Variants in SVEP1 observed in about 807,000 individuals in gnomAD.
The protein encoded by SVEP1 is sushi, von Willebrand factor type A, EGF and pentraxin domain-containing protein 1.
A neutral mutation model predicts 367.3 loss-of-function variants in SVEP1; 164 were observed. The observed-to-expected ratio is 0.45, with a 90% CI of 0.39 to 0.51. The LOEUF (loss-of-function observed/expected upper bound fraction) is 0.51, where lower values mean the gene tolerates loss of function less well. Ranked by LOEUF, SVEP1 falls within the 20% of genes least tolerant of loss-of-function variation. SVEP1 has a pLI of 0.00. For synonymous variants in SVEP1, 1,666 were observed against 1,611.6 expected (o/e 1.03, Z -0.81); for missense variants, 4,117 against 4,425.3 (o/e 0.93, Z 1.98).
intron 40 of SVEP1, among the ~76,000 whole-genome samples, chr9:110,400,134 A>T (rs77448268): frequency 1.3e-5 from 2 of 152,136 alleles, no homozygotes; most frequent in Non-Finnish European, 2.9e-5. Flanking sequence ...TGGCATCTCA[A>T]TGCCAAGGTA....
intron 4 of SVEP1, among the ~76,000 whole-genome samples, 177 bp from the exon 5 acceptor site, chr9:110,513,282 C>T (rs13300595): frequency 0.034 from 5,105 of 152,050 alleles, 119 homozygotes; most frequent in Non-Finnish European, 0.049. Flanking sequence ...TTATATCTGA[C>T]TCCTATTAGG....
intron 24 of SVEP1, among the ~76,000 whole-genome samples, chr9:110,449,204 G>A (rs1828652589): frequency 6.6e-6 from 1 of 152,074 alleles, no homozygotes; most frequent in Admixed American, 6.6e-5. Context: ...GTATTCTACT[G>A]GCACCTAAGA....
chr9:110,460,527 C>T (rs1023535621), intron 18 of SVEP1, among the ~76,000 whole-genome samples: 2 of 152,174 alleles, frequency 1.3e-5, no homozygotes, highest in Non-Finnish European at 2.9e-5. Flanking sequence ...CTGAGGTGGG[C>T]GAATCACTTG....
At chr9:110,554,208 C>G (rs1046398152) in intron 1 of SVEP1, among the ~76,000 whole-genome samples, 1 of 152,080 alleles carries the variant, frequency 6.6e-6, no homozygotes, top group Non-Finnish European at 1.5e-5. Flanking sequence ...AAGTCTACCA[C>G]CTTTTTTTCT....
chr9:110,375,464 C>CGAAAAAAA lies in SVEP1; in HGVS notation c.10505-2_10505-1insTTTTTTTC. On this transcript the variant is annotated splice_acceptor_variant, in intron 45 of 47. Coordinates refer to ENST00000374469, the MANE Select transcript of SVEP1 (RefSeq NM_153366.4). LOFTEE classifies it high-confidence loss of function. Reference sequence around the variant, plus strand: ...TTCAGACAGGGAAGAATGCAGATTGCTAAAAAAAAAAAAAAAAAAAAAAAA... The same window carrying CGAAAAAAA: ...TTCAGACAGGGAAGAATGCAGATTGCGAAAAAAATAAAAAAAAAAAAAAAAAAAAAAAA... 2.5e-6 allele frequency: 1 copy of CGAAAAAAA among 399,082 alleles called. No homozygotes were observed. Among genetic ancestry groups the CGAAAAAAA allele is most frequent in the Non-Finnish European group, 3.4e-6 (1 of 294,602 alleles). The allele number at this position is 399,082 out of a possible 1,614,324, so 24.7% of individuals were successfully genotyped here. A position where few individuals can be genotyped will look rare whatever the true frequency, so the allele number is the denominator to read the frequency against.
chr9:110,440,181 T>G lies in SVEP1; in HGVS notation c.4639+3364A>C, dbSNP rs557627240. 6.2e-4 allele frequency among the ~76,000 whole-genome samples: 94 copies of G among 152,334 alleles called. 2 individuals are homozygous for G. Among genetic ancestry groups the G allele is most frequent in the Middle Eastern group, 6.8e-3 (2 of 294 alleles). ...ACTGAAGGAGAAAATGTGCATTTCT[T>G]GGGGAACATAAACAGGCTCATTACA... On this transcript the variant is annotated intron_variant, in intron 27 of 47. Transcript: ENST00000374469.
Position 110,503,123 on chromosome 9 carries a change from A to C in SVEP1, c.1398T>G (p.Cys466Trp). ...MLYKTTCLVA[C>W]DEGYRLEGSD... ...TGCCTTCTAGTCTGTACCCTTCATC[A>C]CAGGCAACCAAACATGTTGTCTTAT... The change falls in exon 6 of 48, where the codon TGT becomes TGG. Residue 466 changes from cysteine (C) to tryptophan (W), a missense_variant. Coordinates refer to ENST00000374469, the MANE Select transcript of SVEP1 (RefSeq NM_153366.4). 6.2e-7 allele frequency: 1 copy of C among 1,612,896 alleles called. No individual in the cohort carries two copies. Among genetic ancestry groups the C allele is most frequent in the Non-Finnish European group, 8.5e-7 (1 of 1,179,088 alleles).
chr9:110,555,273 C>T (rs983094726), intron 1 of SVEP1, among the ~76,000 whole-genome samples: 11 of 151,318 alleles, frequency 7.3e-5, no homozygotes, highest in Admixed American at 1.3e-4. Context: ...TCAATAGTGC[C>T]GGGCACAGAG....
chr9:110,438,565 C>T (rs190632096), intron 27 of SVEP1, among the ~76,000 whole-genome samples: 36 of 152,248 alleles, frequency 2.4e-4, no homozygotes, highest in African/African-American at 7.9e-4. Context: ...ATTAATTAAA[C>T]GGCCCCTTAT....
chr9:110,501,400 GCTGT>G (rs10603104), intron 6 of SVEP1, among the ~76,000 whole-genome samples: 62,450 of 150,794 alleles, frequency 0.41, 12,941 homozygotes, highest in East Asian at 0.54. Context: ...ATATAGAAAA[GCTGT>G]CTATTTTTCT....
At chr9:110,404,225 T>C (rs923313511) in intron 39 of SVEP1, 102 bp downstream of exon 39, 8 of 1,165,314 alleles carry the variant, frequency 6.9e-6, no homozygotes, top group Admixed American at 6.8e-5. Context: ...AGTGAAAACT[T>C]CAGACTTTTT....
intron 2 of SVEP1, among the ~76,000 whole-genome samples, chr9:110,548,589 A>T (rs1479034096): frequency 6.6e-6 from 1 of 152,246 alleles, no homozygotes; most frequent in East Asian, 1.9e-4. Flanking sequence ...GTCAGCTAGT[A>T]GGTAACAAAA....
intron 10 of SVEP1, among the ~76,000 whole-genome samples, chr9:110,482,819 C>T (rs540853049): frequency 1.3e-5 from 2 of 152,294 alleles, no homozygotes; most frequent in African/African-American, 4.8e-5. Context: ...TGAGTCACCG[C>T]GCCCAGCCTA....
intron 1 of SVEP1, among the ~76,000 whole-genome samples, chr9:110,559,601 G>A (rs1489366322): frequency 1.3e-5 from 2 of 151,876 alleles, no homozygotes; most frequent in African/African-American, 2.4e-5. Flanking sequence ...AGATATTTTT[G>A]TTGGGAATAC....
chr9:110,417,130 G>T (rs1040394259), intron 36 of SVEP1, among the ~76,000 whole-genome samples: 1 of 151,784 alleles, frequency 6.6e-6, no homozygotes, highest in African/African-American at 2.4e-5. Flanking sequence ...GGCCGAATAG[G>T]AACAGCTCCG....
At chr9:110,501,042 C>T (rs1008606201) in intron 6 of SVEP1, among the ~76,000 whole-genome samples, 2 of 149,280 alleles carry the variant, frequency 1.3e-5, no homozygotes, top group South Asian at 2.1e-4. Context: ...AAGTTCTTTC[C>T]TTAGGTTAAT....
intron 8 of SVEP1, among the ~76,000 whole-genome samples, chr9:110,495,170 T>C (rs1182096523): frequency 6.6e-6 from 1 of 152,200 alleles, no homozygotes. Flanking sequence ...CAATTGGTTC[T>C]CTCCATTTCT....
Position 110,406,572 on chromosome 9 carries a change from G to C in SVEP1, c.9028C>G (p.Pro3010Ala), listed in dbSNP as rs377103209. 6 of 1,613,684 alleles carry C rather than the reference G, an allele frequency of 3.7e-6. No homozygotes were observed. ...PSCLPCRCST[P>A]VIEYGTVNGT... The stretch of plus-strand genomic sequence containing the variant: ...TTGACAGTTCCATATTCAATTACTG[G>C]TGTGGAACATCTGCAAGGCAGGCAG... The change falls in exon 38 of 48, where the codon CCA becomes GCA. Residue 3010 changes from proline (P) to alanine (A), a missense_variant. Physicochemically the swap from Pro to Ala is conservative, Grantham distance 27. Transcript: ENST00000374469.
At position 110,427,769 on chromosome 9, in the gene SVEP1, G is replaced by T. The variant is rs752869342; in HGVS notation, c.5808-11C>A. On this transcript the variant is annotated splice_polypyrimidine_tract_variant and intron_variant, in intron 35 of 47. Coordinates refer to ENST00000374469, the MANE Select transcript of SVEP1 (RefSeq NM_153366.4). Reference sequence around the variant, plus strand: ...GAAGGGCCCTGTAAGCTGCGGGAAAGAATGATGTTACTCTTTCATTGGCTA... The same window carrying T: ...GAAGGGCCCTGTAAGCTGCGGGAAATAATGATGTTACTCTTTCATTGGCTA... 4 of 1,605,500 alleles carry T rather than the reference G, an allele frequency of 2.5e-6. No homozygotes were observed. In the African/African-American group the frequency reaches 4.0e-5, roughly 16 times the overall value.
Sources: allele counts gnomAD v4.1 joint callset (sites outside exome capture counted in the v4.1 genomes callset), GRCh38; gene constraint gnomAD v4.1.1; transcripts MANE v1.5; gene names NCBI Gene and HGNC (gene_info 2026-07-23, HGNC 2026-07-21).